SLC24A2: variants seen among roughly 807,000 people sequenced by gnomAD.
SLC24A2 encodes the protein solute carrier family 24 member 2, also known as sodium/potassium/calcium exchanger 2.
In SLC24A2, 36 loss-of-function variants were observed where a neutral mutation model predicts 62.0. That is an observed-to-expected ratio of 0.58 (90% CI 0.44 to 0.77). The LOEUF is 0.77. Among genes scored for constraint, SLC24A2 ranks in the 30% least tolerant of loss-of-function variants. The probability of loss-of-function intolerance (pLI) is 0.00; values close to 1 mark genes in which losing one functional copy is unlikely to be tolerated. For synonymous variants in SLC24A2, 358 were observed against 294.0 expected (o/e 1.22, Z -2.23); for missense variants, 846 against 817.9 (o/e 1.03, Z -0.42).
At chr9:20,281,523 C>G in the SLC24A2 span, among the ~76,000 whole-genome samples, 2 of 152,130 alleles carry the variant, frequency 1.3e-5, no homozygotes, top group Non-Finnish European at 2.9e-5. Flanking sequence ...GATGTCTAAT[C>G]ACATAGGTTA....
In SLC24A2 at chr9:19,721,772, T is replaced by C. The variant is rs539863108; in HGVS notation, c.930+64165A>G. On this transcript the variant is annotated intron_variant, in intron 2 of 10. Transcript: ENST00000341998. ...CACATAACAGCCTTCATTTTGAGAA[T>C]AGTTTCATCCTATTTAATCTTTGCC... Among the ~76,000 whole-genome samples the C allele has an allele frequency of 5.9e-5, 9 of 152,274 alleles. No individual in the cohort carries two copies. The South Asian group carries it at 8.3e-4, about 14-fold the overall frequency.
the SLC24A2 span, among the ~76,000 whole-genome samples, chr9:20,290,396 A>ATC: frequency 6.6e-6 from 1 of 152,188 alleles, no homozygotes; most frequent in Non-Finnish European, 1.5e-5. Context: ...TTTCAAATGT[A>ATC]TCTCATCTTG....
chr9:20,137,472 A>G, the SLC24A2 span, among the ~76,000 whole-genome samples: 1 of 152,132 alleles, frequency 6.6e-6, no homozygotes, highest in Non-Finnish European at 1.5e-5. Context: ...TGTCACATCA[A>G]ATCTTTATAG....
At chr9:20,229,783 G>T in the SLC24A2 span, among the ~76,000 whole-genome samples, 1 of 151,454 alleles carries the variant, frequency 6.6e-6, no homozygotes, top group South Asian at 2.1e-4. Context: ...TGCACAACGT[G>T]CAGGTTTGTT....
chr9:19,797,994 TAC>T, the SLC24A2 span, among the ~76,000 whole-genome samples: 1 of 152,228 alleles, frequency 6.6e-6, no homozygotes, highest in Non-Finnish European at 1.5e-5. Context: ...CCAAATAACA[TAC>T]ATTTATTATC....
chr9:20,124,065 T>C, the SLC24A2 span, among the ~76,000 whole-genome samples: 107 of 152,268 alleles, frequency 7.0e-4, no homozygotes, highest in Non-Finnish European at 1.2e-3. Flanking sequence ...CTGAAATGAG[T>C]TAACAGCCTT....
intron 9 of SLC24A2, among the ~76,000 whole-genome samples, chr9:19,527,355 G>A (rs1179458468): frequency 6.6e-6 from 1 of 152,106 alleles, no homozygotes; most frequent in Non-Finnish European, 1.5e-5. Flanking sequence ...GTAAACTGTG[G>A]ATAATAATAG....
chr9:19,534,137 T>G (rs1437434113), intron 8 of SLC24A2, among the ~76,000 whole-genome samples: 1 of 152,174 alleles, frequency 6.6e-6, no homozygotes, highest in Admixed American at 6.5e-5. Context: ...GAAGTGCTTT[T>G]CCTAATGTTG....
chr9:19,947,659 C>T, the SLC24A2 span, among the ~76,000 whole-genome samples: 13 of 151,204 alleles, frequency 8.6e-5, no homozygotes, highest in South Asian at 2.1e-4. Flanking sequence ...GGCATGGTGG[C>T]GGGCACCTGT....
chr9:20,149,482 T>A, the SLC24A2 span, among the ~76,000 whole-genome samples: 1 of 147,696 alleles, frequency 6.8e-6, no homozygotes, highest in Non-Finnish European at 1.5e-5. Context: ...ATTGGCAAAC[T>A]TTTTCTGTAA....
chr9:20,107,828 A>G, the SLC24A2 span, among the ~76,000 whole-genome samples: 1 of 152,164 alleles, frequency 6.6e-6, no homozygotes, highest in Non-Finnish European at 1.5e-5. Flanking sequence ...TGGCAACAAA[A>G]GCCAAAATTG....
the SLC24A2 span, among the ~76,000 whole-genome samples, chr9:19,857,293 C>G: frequency 2.0e-5 from 3 of 152,188 alleles, no homozygotes; most frequent in East Asian, 5.8e-4. Context: ...ACTTTCTCTT[C>G]TAAGGACCCT....
At chr9:19,973,964 C>T in the SLC24A2 span, among the ~76,000 whole-genome samples, 363 of 152,220 alleles carry the variant, frequency 2.4e-3, 1 homozygote, top group African/African-American at 8.5e-3. Flanking sequence ...TCTGGTTTAT[C>T]ATACACTGAA....
chr9:20,195,870 T>C, the SLC24A2 span, among the ~76,000 whole-genome samples: 1 of 152,012 alleles, frequency 6.6e-6, no homozygotes, highest in African/African-American at 2.4e-5. Context: ...TTAATTCATA[T>C]GATAGCTACT....
the SLC24A2 span, among the ~76,000 whole-genome samples, chr9:20,175,795 G>T: frequency 2.6e-5 from 4 of 152,008 alleles, no homozygotes; most frequent in Admixed American, 2.6e-4. Flanking sequence ...CCTTTAGATT[G>T]AAAATCATCA....
intron 7 of SLC24A2, among the ~76,000 whole-genome samples, chr9:19,561,338 G>A (rs1586962513): frequency 6.7e-6 from 1 of 150,282 alleles, no homozygotes; most frequent in Non-Finnish European, 1.5e-5. Flanking sequence ...GTAAGTTTAC[G>A]TGTTTCTTAT....
chr9:19,715,631 A>C (rs1248105718), intron 2 of SLC24A2, among the ~76,000 whole-genome samples: 1 of 152,212 alleles, frequency 6.6e-6, no homozygotes, highest in East Asian at 1.9e-4. Context: ...GTTTGAACCC[A>C]GGTACAGTCC....
chr9:20,100,415 C>T, the SLC24A2 span, among the ~76,000 whole-genome samples: 2 of 152,098 alleles, frequency 1.3e-5, no homozygotes, highest in African/African-American at 4.8e-5. Context: ...GCAAGACTTC[C>T]CAGATGTTCC....
the SLC24A2 span, among the ~76,000 whole-genome samples, chr9:19,843,791 C>A: frequency 6.6e-6 from 1 of 152,090 alleles, no homozygotes; most frequent in Non-Finnish European, 1.5e-5. Flanking sequence ...TATTCTGTTC[C>A]TGTATTAATT....
Sources: allele counts gnomAD v4.1 joint callset (sites outside exome capture counted in the v4.1 genomes callset), GRCh38; gene constraint gnomAD v4.1.1; transcripts MANE v1.5; gene names NCBI Gene and HGNC (gene_info 2026-07-23, HGNC 2026-07-21).